CD207: variants seen among roughly 807,000 people sequenced by gnomAD.
CD207 encodes C-type lectin domain family 4 member K.
A neutral mutation model predicts 31.6 loss-of-function variants in CD207; 28 were observed. That is an observed-to-expected ratio of 0.89 (90% CI 0.66 to 1.21). CD207 has a LOEUF of 1.21. Among genes scored for constraint, CD207 ranks in the 50% most tolerant of loss-of-function variants. The pLI, the probability that CD207 is intolerant of heterozygous loss-of-function variation, is 0.00. For missense variants in CD207, 388 were observed against 397.8 expected (o/e 0.98, Z 0.21); for synonymous variants, 168 against 153.9 (o/e 1.09, Z -0.68).
At chr2:70,831,244 C>A (rs782474746) in intron 5 of CD207, 44 bp from the exon 6 acceptor site, 3 of 1,567,732 alleles carry the variant, frequency 1.9e-6, no homozygotes, top group East Asian at 4.5e-5. Context: ...AGTGGAAAAT[C>A]AAAAAGAACT....
chr2:70,831,104 A>G lies in CD207; in HGVS notation c.933T>C (p.Cys311=). ...PSLQAWNDAP[C]DKTFLFICKR... ...TACAAATGAAAAGAAACGTTTTGTC[A>G]CATGGGGCATCATTCCAGGCCTGAA... Residue 311 remains cysteine (C), a synonymous_variant, in exon 6 of 6, where the codon TGT becomes TGC. Transcript: ENST00000410009. 6.2e-7 allele frequency: 1 copy of G among 1,613,932 alleles called. No individual in the cohort carries two copies. The highest frequency in any genetic ancestry group is 8.5e-7 in the Non-Finnish European group (1 of 1,179,840).
At chr2:70,827,110 G>T (rs1223518727), downstream of CD207, among the ~76,000 whole-genome samples, 1 of 152,024 alleles carries the variant, frequency 6.6e-6, no homozygotes, top group South Asian at 2.1e-4. Context: ...TGCATTTTCT[G>T]TTTTCTCTCT....
Position 70,832,822 on chromosome 2 carries a change from C to T in CD207, c.717+78G>A, listed in dbSNP as rs115440071. 4.4e-3 allele frequency: 5,959 copies of T among 1,356,550 alleles called. 237 individuals are homozygous for T. The African/African-American group carries it at 0.08, about 18-fold the overall frequency. The allele number at this position is 1,356,550 out of a possible 1,614,324, so 84.0% of individuals were successfully genotyped here. ...ATCAATATTTGGGGATTTTTGTTCA[C>T]GCAGTATAATCTTGCCCATCCTCCC... On this transcript the variant is annotated intron_variant, in intron 4 of 5. Coordinates refer to ENST00000410009, the MANE Select transcript of CD207 (RefSeq NM_015717.5).
Position 70,833,823 on chromosome 2 carries a change from C to A in CD207, c.388G>T (p.Val130Leu). The part of the protein sequence containing the change: ...RSQFLKLKTS[V>L]EKANAQIQIL... ...TGGATCTGTGCGTTGGCCTTCTCCA[C>A]ACTGGTTTTTAACTTCAGGAACTGA... Residue 130 changes from valine (V) to leucine (L), a missense_variant, in exon 3 of 6, where the codon GTG (valine) becomes TTG (leucine). By Grantham distance (32) the Val-to-Leu change is conservative (BLOSUM62 1). Transcript: ENST00000410009. The A allele has an allele frequency of 6.2e-7, 1 of 1,614,018 alleles. No homozygotes were observed.
downstream of CD207, among the ~76,000 whole-genome samples, chr2:70,829,803 A>T (rs1574392492): frequency 6.6e-6 from 1 of 151,234 alleles, no homozygotes; most frequent in Non-Finnish European, 1.5e-5. Context: ...ACCTGTGCTC[A>T]CTCCACCCTC....
intron 2 of CD207, among the ~76,000 whole-genome samples, chr2:70,834,865 G>A (rs1407599876): frequency 6.6e-6 from 1 of 152,226 alleles, no homozygotes; most frequent in Admixed American, 6.5e-5. Flanking sequence ...AGAAGGCTCT[G>A]CCAGCAGCAA....
At chr2:70,825,361 A>T (rs190152913), downstream of CD207, among the ~76,000 whole-genome samples, 1,534 of 152,296 alleles carry the variant, frequency 0.01, 53 homozygotes, top group Admixed American at 0.068. Flanking sequence ...GGGAAAACCA[A>T]CGAAATCTGA....
intron 2 of CD207, among the ~76,000 whole-genome samples, chr2:70,834,907 A>G (rs552413348): frequency 2.0e-5 from 3 of 152,356 alleles, no homozygotes; most frequent in South Asian, 4.1e-4. Context: ...CCAGAAAAGG[A>G]AGAAAGATAA....
chr2:70,832,783 T>G, intron 4 of CD207, 117 bp downstream of exon 4: 1 of 1,049,140 alleles, frequency 9.5e-7, no homozygotes, highest in Non-Finnish European at 1.4e-6. Flanking sequence ...GAACCAATCC[T>G]TCTTCATTAG....
downstream of CD207, among the ~76,000 whole-genome samples, chr2:70,825,466 G>A (rs66534422): frequency 0.6 from 91,828 of 151,900 alleles, 28,242 homozygotes; most frequent in Middle Eastern, 0.7. Flanking sequence ...ATGGGAAAGG[G>A]TGGGTATATA....
In CD207 at chr2:70,833,786, CT is replaced by C. The variant is rs1229243071; in HGVS notation, c.424del (p.Arg142GlufsTer9). 14 of 1,613,928 alleles carry C rather than the reference CT, an allele frequency of 8.7e-6. No homozygotes were observed. Among genetic ancestry groups the C allele is most frequent in the Non-Finnish European group, 1.1e-5 (13 of 1,179,902 alleles). On this transcript the variant is annotated frameshift_variant, in exon 3 of 6. Transcript: ENST00000410009. LOFTEE classifies it high-confidence loss of function. ...TAAGGTACTGACTTCTTCCCAACTT[CT>C]TGTTAAGATCTGGATCTGTGCGTTG... Reference protein sequence around the residue: ...KANAQIQILTRSWEEVSTLNA... With the variant: ...KANAQIQILTXSWEEVSTLNA...
At chr2:70,825,246 G>C (rs933847803), downstream of CD207, among the ~76,000 whole-genome samples, 4 of 152,136 alleles carry the variant, frequency 2.6e-5, no homozygotes, top group African/African-American at 7.2e-5. Context: ...CAAAAACAAG[G>C]AAAGACTGAG....
At chr2:70,824,342 C>T in the CD207 span, among the ~76,000 whole-genome samples, 1 of 152,028 alleles carries the variant, frequency 6.6e-6, no homozygotes, top group Admixed American at 6.5e-5. Flanking sequence ...TCCTCTTACC[C>T]CCTCTCAAGT....
downstream of CD207, among the ~76,000 whole-genome samples, chr2:70,827,550 A>C (rs1553399044): frequency 6.6e-6 from 1 of 152,216 alleles, no homozygotes; most frequent in Non-Finnish European, 1.5e-5. Context: ...CAACCAGGGC[A>C]ACAATGCCAG....
chr2:70,835,679 G>A lies in CD207; in HGVS notation c.73+25C>T, dbSNP rs191212143. 1.1e-5 allele frequency: 18 copies of A among 1,612,014 alleles called. No homozygotes were observed. The Admixed American group carries it at 1.7e-4, about 15-fold the overall frequency. On this transcript the variant is annotated intron_variant, in intron 1 of 5. Coordinates refer to ENST00000410009, the MANE Select transcript of CD207 (RefSeq NM_015717.5). ...AGGTTTGCACACAGAACACGGAGCA[G>A]GTTCTCAGCAGCGATGTGGCTTGCC... is the stretch of plus-strand genomic sequence containing the variant.
At chr2:70,834,115 C>T (rs1273757987) in intron 2 of CD207, 95 bp from the exon 3 acceptor site, 1 of 1,189,058 alleles carries the variant, frequency 8.4e-7, no homozygotes, top group African/African-American at 1.5e-5. Context: ...AAGGAATAGG[C>T]TGAAGCTTCC....
At chr2:70,827,206 C>A (rs1488691314), downstream of CD207, among the ~76,000 whole-genome samples, 1 of 152,224 alleles carries the variant, frequency 6.6e-6, no homozygotes, top group East Asian at 1.9e-4. Context: ...CCTCAGGAAG[C>A]CTTACGAAAT....
At chr2:70,828,444 C>G (rs115648374), downstream of CD207, among the ~76,000 whole-genome samples, 557 of 152,356 alleles carry the variant, frequency 3.7e-3, 2 homozygotes, top group Non-Finnish European at 6.5e-3. Flanking sequence ...CACATCCTCA[C>G]TGACTCAGGC....
At chr2:70,829,674 T>C (rs1376811445), downstream of CD207, among the ~76,000 whole-genome samples, 6 of 152,200 alleles carry the variant, frequency 3.9e-5, no homozygotes, top group Non-Finnish European at 7.3e-5. Flanking sequence ...CAGCACGTGG[T>C]ATTTCAGGTC....
Sources: allele counts gnomAD v4.1 joint callset (sites outside exome capture counted in the v4.1 genomes callset), GRCh38; gene constraint gnomAD v4.1.1; transcripts MANE v1.5; gene names NCBI Gene and HGNC (gene_info 2026-07-23, HGNC 2026-07-21).